The following RAD50 variants were observed in gnomAD, a reference collection of about 807,000 sequenced individuals.
The protein encoded by RAD50 is RAD50 double strand break repair protein, also known as DNA repair protein RAD50.
A neutral mutation model predicts 168.8 loss-of-function variants in RAD50; 132 were observed. The observed-to-expected ratio is 0.78, with a 90% CI of 0.68 to 0.90. RAD50 has a LOEUF of 0.90. Ranked by LOEUF, RAD50 falls within the 40% of genes least tolerant of loss-of-function variation. RAD50 has a pLI of 0.00. For missense variants in RAD50, 1,347 were observed against 1,534.4 expected (o/e 0.88, Z 2.04); for synonymous variants, 525 against 497.4 (o/e 1.06, Z -0.74).
chr5:132,576,685 T>G (rs751358710), intron 3 of RAD50, among the ~76,000 whole-genome samples: 2 of 152,220 alleles, frequency 1.3e-5, no homozygotes, highest in Non-Finnish European at 2.9e-5. Flanking sequence ...TGTCTCCTTC[T>G]TCTCCTTTAT....
Position 132,573,514 on chromosome 5 carries a change from G to T in RAD50, c.214-2263G>T, listed in dbSNP as rs1018692043. ...CACATGGGGATTCAAGATGAGATTT[G>T]AGTGGAGACACAGCCAAACCATATG... On this transcript the variant is annotated intron_variant, in intron 2 of 24. Coordinates refer to ENST00000378823, the MANE Select transcript of RAD50 (RefSeq NM_005732.4). Among the ~76,000 whole-genome samples, 8 of 152,228 alleles carry T rather than the reference G, an allele frequency of 5.3e-5. No homozygotes were observed. The South Asian group carries it at 1.2e-3, about 24-fold the overall frequency.
chr5:132,574,757 AC>A (rs1183095921), intron 2 of RAD50, among the ~76,000 whole-genome samples: 2 of 152,114 alleles, frequency 1.3e-5, no homozygotes, highest in Non-Finnish European at 2.9e-5. Context: ...TTCACCAGAT[AC>A]CCTAAATCAT....
In RAD50 at chr5:132,606,889, T is replaced by A. The variant is rs147723853; in HGVS notation, c.2719-1726T>A. Among the ~76,000 whole-genome samples, 44 of 152,258 alleles carry A rather than the reference T, an allele frequency of 2.9e-4. 1 individual carries two copies. The highest frequency in any genetic ancestry group is 1.0e-3 in the African/African-American group (42 of 41,546). On this transcript the variant is annotated intron_variant, in intron 16 of 24. Coordinates refer to ENST00000378823, the MANE Select transcript of RAD50 (RefSeq NM_005732.4). ...AAAACCACATGATTATCCCAATAGATGGAGAAAAGGCCTTCGATAAAATTC... is the reference window on the plus strand; with the variant it reads ...AAAACCACATGATTATCCCAATAGAAGGAGAAAAGGCCTTCGATAAAATTC...
chr5:132,571,790 G>A (rs1750311152), intron 2 of RAD50, among the ~76,000 whole-genome samples: 1 of 152,176 alleles, frequency 6.6e-6, no homozygotes, highest in East Asian at 1.9e-4. Flanking sequence ...CCTGTCTGAT[G>A]AGATGCAGTA....
At chr5:132,613,840 A>G (rs1021956765) in intron 19 of RAD50, among the ~76,000 whole-genome samples, 4 of 152,056 alleles carry the variant, frequency 2.6e-5, no homozygotes, top group African/African-American at 9.6e-5. Flanking sequence ...CAAGTAATCC[A>G]TCTGCCTTGG....
chr5:132,615,265 T>C (rs529702397), intron 19 of RAD50, among the ~76,000 whole-genome samples: 3 of 152,228 alleles, frequency 2.0e-5, no homozygotes, highest in South Asian at 2.1e-4. Context: ...CTGCTGCTGC[T>C]AAGTGTTATT....
chr5:132,595,762 A>G lies in RAD50; in HGVS notation c.2159A>G (p.Lys720Arg), dbSNP rs587782674. The G allele has an allele frequency of 4.3e-6, 7 of 1,613,674 alleles. No homozygotes were observed. In the Admixed American group the frequency reaches 1.2e-4, roughly 27 times the overall value. Residue 720 changes from lysine (K) to arginine (R), a missense_variant, in exon 13 of 25, where the codon AAA becomes AGA. Coordinates refer to ENST00000378823, the MANE Select transcript of RAD50 (RefSeq NM_005732.4). ...DKLKSTESELKKKEKRRDEML... is the reference protein window; with the variant it reads ...DKLKSTESELRKKEKRRDEML... ...CTCAAGTCAACAGAATCAGAGCTAA[A>G]AAAAAAGGAAAAGCGGCGTGATGAA...
At chr5:132,605,584 A>G (rs1424874234) in intron 16 of RAD50, among the ~76,000 whole-genome samples, 2 of 152,024 alleles carry the variant, frequency 1.3e-5, no homozygotes, top group Admixed American at 1.3e-4. Flanking sequence ...GCCTCAAGCA[A>G]TGCAGCCTTG....
intron 19 of RAD50, among the ~76,000 whole-genome samples, chr5:132,612,835 ATAT>A (rs1751110469): frequency 6.6e-6 from 1 of 151,348 alleles, no homozygotes; most frequent in African/African-American, 2.4e-5. Context: ...CTCAAAAAAT[ATAT>A]ATATATATAT....
chr5:132,610,362 T>G (rs528950348), intron 19 of RAD50, among the ~76,000 whole-genome samples: 4 of 152,292 alleles, frequency 2.6e-5, no homozygotes, highest in African/African-American at 9.6e-5. Context: ...AATATTTATA[T>G]ATTAAGTCAT....
intron 24 of RAD50, chr5:132,641,678 C>CTA (rs954435462): frequency 3.1e-5 from 5 of 160,228 alleles, no homozygotes; most frequent in African/African-American, 1.2e-4. Context: ...AATGATGCAT[C>CTA]TAGTGACTGG....
chr5:132,580,689 G>A (rs1164438135), intron 5 of RAD50, among the ~76,000 whole-genome samples: 1 of 152,046 alleles, frequency 6.6e-6, no homozygotes, highest in East Asian at 1.9e-4. Flanking sequence ...TATAAGAAAG[G>A]CCTACAGGAA....
chr5:132,558,626 G>A (rs924016172), intron 1 of RAD50, among the ~76,000 whole-genome samples: 2 of 150,012 alleles, frequency 1.3e-5, no homozygotes, highest in Non-Finnish European at 2.9e-5. Flanking sequence ...CGGGAGAATC[G>A]CTTGAACCGG....
chr5:132,638,552 C>T (rs977398279), intron 23 of RAD50, among the ~76,000 whole-genome samples: 2 of 152,134 alleles, frequency 1.3e-5, no homozygotes, highest in Non-Finnish European at 2.9e-5. Context: ...ATAAGACATA[C>T]CACTATTTTA....
intron 5 of RAD50, among the ~76,000 whole-genome samples, chr5:132,580,793 CT>C (rs1226294726): frequency 1.3e-5 from 2 of 152,102 alleles, no homozygotes; most frequent in Non-Finnish European, 2.9e-5. Flanking sequence ...AACTGCACCC[CT>C]GTCCTTAAGG....
intron 2 of RAD50, among the ~76,000 whole-genome samples, chr5:132,572,483 G>T (rs1295867011): frequency 6.6e-6 from 1 of 152,022 alleles, no homozygotes; most frequent in East Asian, 1.9e-4. Flanking sequence ...GTACAGATGG[G>T]TTTAAAACAA....
chr5:132,588,164 A>G, intron 7 of RAD50, 75 bp downstream of exon 7: 1 of 1,504,918 alleles, frequency 6.6e-7, no homozygotes. Flanking sequence ...AAGAATCTCC[A>G]AGGACTTATG....
intron 8 of RAD50, among the ~76,000 whole-genome samples, chr5:132,589,144 C>T (rs1471102576): frequency 6.6e-6 from 1 of 152,132 alleles, no homozygotes; most frequent in African/African-American, 2.4e-5. Flanking sequence ...AACATTTGCT[C>T]ACAGTTAATG....
chr5:132,610,883 G>C (rs1751072120), intron 19 of RAD50, among the ~76,000 whole-genome samples: 2 of 152,140 alleles, frequency 1.3e-5, no homozygotes, highest in South Asian at 4.1e-4. Flanking sequence ...TCTAAACTTA[G>C]TGGATCTGAT....
Sources: allele counts gnomAD v4.1 joint callset (sites outside exome capture counted in the v4.1 genomes callset), GRCh38; gene constraint gnomAD v4.1.1; transcripts MANE v1.5; gene names NCBI Gene and HGNC (gene_info 2026-07-23, HGNC 2026-07-21).